Variants in LDHA observed in about 807,000 individuals in gnomAD.
The protein encoded by LDHA is lactate dehydrogenase A.
In LDHA, 10 loss-of-function variants were observed where a neutral mutation model predicts 36.3. That is an observed-to-expected ratio of 0.28 (90% CI 0.17 to 0.47). The LOEUF (loss-of-function observed/expected upper bound fraction) is 0.47, where lower values mean the gene tolerates loss of function less well. Among genes scored for constraint, LDHA ranks in the 20% least tolerant of loss-of-function variants. LDHA has a pLI of 0.99. For missense variants in LDHA, 267 were observed against 405.8 expected, an observed-to-expected ratio of 0.66 and a Z score of 2.94; for synonymous variants, 110 against 136.7, an observed-to-expected ratio of 0.80 and a Z score of 1.36.
intron 6 of LDHA, among the ~76,000 whole-genome samples, chr11:18,404,176 A>G (rs1386458924): frequency 6.6e-6 from 1 of 151,992 alleles, no homozygotes; most frequent in African/African-American, 2.4e-5. Flanking sequence ...TGCAAGGCCC[A>G]GGCCCTAGGA....
chr11:18,403,676 C>T lies in LDHA; in HGVS notation c.593-18C>T, dbSNP rs1276402401. On this transcript the variant is annotated intron_variant, in intron 5 of 7. Coordinates refer to ENST00000422447, the MANE Select transcript of LDHA (RefSeq NM_005566.4). ...GTTGGTACATGAAAATAAATGTAGT[C>T]TGTACTATTTCTTTTAGTGCCTGTA... The T allele has an allele frequency of 2.3e-6, 3 of 1,320,720 alleles. No homozygotes were observed. The highest frequency in any genetic ancestry group is 3.3e-6 in the Non-Finnish European group (3 of 912,676). The allele number at this position is 1,320,720 out of a possible 1,614,324, so 81.8% of individuals were successfully genotyped here. A position where few individuals can be genotyped will look rare whatever the true frequency, so the allele number is the denominator to read the frequency against.
intron 3 of LDHA, chr11:18,400,382 A>C: frequency 4.3e-6 from 1 of 232,034 alleles, no homozygotes; most frequent in Non-Finnish European, 8.4e-6. Context: ...ATGTTTGTTA[A>C]GTGTAAAGCT....
At chr11:18,402,471 GT>G (rs35873857) in intron 4 of LDHA, 176,372 of 266,054 alleles carry the variant, frequency 0.66, 60,249 homozygotes, top group South Asian at 0.72. Flanking sequence ...TTTGTTAAAA[GT>G]TTTTTTGTAG....
chr11:18,394,597 T>G lies in LDHA; in HGVS notation c.-64T>G, dbSNP rs200916427. 1 of 454,052 alleles carries G rather than the reference T, an allele frequency of 2.2e-6. No individual in the cohort carries two copies. The highest frequency in any genetic ancestry group is 7.0e-5 in the East Asian group (1 of 14,380). The allele number at this position is 454,052 out of a possible 1,614,324, so 28.1% of individuals were successfully genotyped here. On this transcript the variant is annotated 5_prime_UTR_variant, in exon 1 of 8. Transcript: ENST00000422447. ...CCGCTGCCGCCGATTCCGGATCTCA[T>G]TGCCACGCGCCCCCGACGACCGCCC...
rs1260395304 is a variant in LDHA at position 18,407,637 on chromosome 11, CCAA to C, written c.*359_*361del. 1.6e-6 allele frequency: 1 copy of C among 606,110 alleles called. No homozygotes were observed. Among genetic ancestry groups the C allele is most frequent in the Non-Finnish European group, 3.1e-6 (1 of 325,542 alleles). The allele number at this position is 606,110 out of a possible 1,614,324, so 37.5% of individuals were successfully genotyped here. ...GGCTCCTTCACTGAACATGCCTAGT[CCAA>C]CATTTTTTCCCAGTGAGTCACATCC... On this transcript the variant is annotated 3_prime_UTR_variant, in exon 8 of 8. Transcript: ENST00000422447.
intron 4 of LDHA, among the ~76,000 whole-genome samples, chr11:18,401,721 C>T (rs2088049638): frequency 6.9e-6 from 1 of 144,658 alleles, no homozygotes; most frequent in South Asian, 2.2e-4. Flanking sequence ...TCGTGATCTG[C>T]CCGCCTTGGC....
Position 18,396,532 on chromosome 11 carries a change from G to T in LDHA, c.-24-287G>T, listed in dbSNP as rs1320495365. On this transcript the variant is annotated intron_variant, in intron 1 of 7. Transcript: ENST00000422447. ...TCTGAGGAAAGGCCAGCCCCACTTG[G>T]GGTTAATAAACCGCGATGGGTGAAC... 3.8e-6 allele frequency: 5 copies of T among 1,330,466 alleles called. No individual in the cohort carries two copies. In the East Asian group the frequency reaches 1.4e-4, roughly 38 times the overall value. The allele number at this position is 1,330,466 out of a possible 1,614,324, so 82.4% of individuals were successfully genotyped here.
At chr11:18,402,777 GTA>G (rs1204246847) in intron 4 of LDHA, 61 bp from the exon 5 acceptor site, 1 of 1,225,738 alleles carries the variant, frequency 8.2e-7, no homozygotes, top group African/African-American at 1.5e-5. Context: ...TTCATAGTAG[GTA>G]TATCTTTTTT....
rs1167439642 is a variant in LDHA, at chr11:18,396,822, C to G, written c.-21C>G. On this transcript the variant is annotated 5_prime_UTR_variant, in exon 2 of 8. Coordinates refer to ENST00000422447, the MANE Select transcript of LDHA (RefSeq NM_005566.4). ...CTAAATGTTTTTCCTCCTATAGATT[C>G]CTTTTGGTTCCAAGTCCAATATGGC... 6.2e-7 allele frequency: 1 copy of G among 1,604,226 alleles called. No homozygotes were observed. Among genetic ancestry groups the G allele is most frequent in the South Asian group, 1.1e-5 (1 of 89,528 alleles).
chr11:18,400,697 C>T (rs1473576671), intron 3 of LDHA, 140 bp from the exon 4 acceptor site: 3 of 706,222 alleles, frequency 4.2e-6, no homozygotes, highest in South Asian at 3.0e-5. Context: ...TTGACATGCT[C>T]TTCCTCCATT....
At chr11:18,405,033 G>A (rs1466366561) in intron 6 of LDHA, among the ~76,000 whole-genome samples, 1 of 152,084 alleles carries the variant, frequency 6.6e-6, no homozygotes, top group Non-Finnish European at 1.5e-5. Context: ...CTATCCCTCT[G>A]TCCCCCTCAC....
In LDHA at chr11:18,396,387, T is replaced by C. The variant is rs1590211260; in HGVS notation, c.-24-432T>C. 14 of 402,850 alleles carry C rather than the reference T, an allele frequency of 3.5e-5. No homozygotes were observed. In the East Asian group the frequency reaches 4.6e-4, roughly 13 times the overall value. 25.0% of individuals were successfully genotyped at this position (402,850 alleles called of 1,614,324 possible). A position where few individuals can be genotyped will look rare whatever the true frequency, so the allele number is the denominator to read the frequency against. Reference sequence around the variant, plus strand: ...ATGCGCGCGGATCACCGCAGGCTCCTGTGCCTTGGGCTTGAGCTTTGTGGC... The same window carrying C: ...ATGCGCGCGGATCACCGCAGGCTCCCGTGCCTTGGGCTTGAGCTTTGTGGC... On this transcript the variant is annotated intron_variant, in intron 1 of 7. Transcript: ENST00000422447.
intron 2 of LDHA, 47 bp from the exon 3 acceptor site, chr11:18,399,384 C>CT: frequency 7.6e-7 from 1 of 1,316,032 alleles, no homozygotes; most frequent in Non-Finnish European, 1.1e-6. Flanking sequence ...TTCTAAAAAT[C>CT]TAGAAGTGGC....
intron 6 of LDHA, among the ~76,000 whole-genome samples, chr11:18,404,465 G>T (rs1414353607): frequency 5.3e-5 from 8 of 151,994 alleles, no homozygotes; most frequent in Admixed American, 5.2e-4. Context: ...CAACTTGGTG[G>T]CATTATTTAC....
chr11:18,400,429 CCACACACACACACACACACACACACA>C (rs6144241), intron 3 of LDHA: 26,406 of 287,098 alleles, frequency 0.092, 1,135 homozygotes, highest in Non-Finnish European at 0.1. Flanking sequence ...ACCACCACCA[CCACACACACACACACACACACACACA>C]CACACACACA....
chr11:18,403,375 A>G lies in LDHA; in HGVS notation c.593-319A>G, dbSNP rs544501453. ...CACAAAAGTTATATTATCACAGTTG[A>G]AAAATGTTATGATTAGGTTCTGTAT... On this transcript the variant is annotated intron_variant, in intron 5 of 7. Coordinates refer to ENST00000422447, the MANE Select transcript of LDHA (RefSeq NM_005566.4). Among the ~76,000 whole-genome samples the G allele has an allele frequency of 2.0e-3, 299 of 152,184 alleles. 1 individual carries two copies. The highest frequency in any genetic ancestry group is 3.2e-3 in the Non-Finnish European group (215 of 68,018).
In LDHA at chr11:18,400,877, G is replaced by A. The variant is rs202160072; in HGVS notation, c.285G>A (p.Thr95=). ...CAAACTCCAAGCTGGTCATTATCAC[G>A]GCTGGGGCACGTCAGCAAGAGGGAG... ...VTANSKLVII[T]AGARQQEGES... The change falls in exon 4 of 8, where the codon ACG becomes ACA. Residue 95 remains threonine, a synonymous_variant. Transcript: ENST00000422447. The A allele has an allele frequency of 5.0e-6, 8 of 1,613,260 alleles. No homozygotes were observed. The highest frequency in any genetic ancestry group is 1.7e-5 in the Admixed American group (1 of 59,920).
At chr11:18,403,131 C>G in intron 5 of LDHA, 118 bp downstream of exon 5, 1 of 810,550 alleles carries the variant, frequency 1.2e-6, no homozygotes, top group Non-Finnish European at 2.0e-6. Context: ...AATGGTTTCC[C>G]GAAATCTAGC....
chr11:18,406,841 C>G, intron 7 of LDHA: 1 of 282,718 alleles, frequency 3.5e-6, no homozygotes, highest in Non-Finnish European at 6.7e-6. Flanking sequence ...TGGTGAAACC[C>G]CATCTGTACT....
Sources: gnomAD v4.1 joint callset for allele counts (sites outside exome capture counted in the v4.1 genomes callset) on GRCh38, gnomAD v4.1.1 for gene constraint, MANE v1.5 for transcripts, NCBI Gene and HGNC (gene_info 2026-07-23, HGNC 2026-07-21) for gene names.